The following CDKL4 variants were observed in gnomAD, a reference collection of about 807,000 sequenced individuals.
CDKL4 encodes the protein cyclin-dependent kinase-like 4.
In CDKL4, 44 loss-of-function variants were observed where a neutral mutation model predicts 42.0. The ratio of observed to expected loss-of-function variants is 1.05; its 90% CI spans 0.82 to 1.35. The LOEUF (loss-of-function observed/expected upper bound fraction) is 1.35, where lower values mean the gene tolerates loss of function less well. Among genes scored for constraint, CDKL4 ranks in the 40% most tolerant of loss-of-function variants. The probability of loss-of-function intolerance (pLI) is 0.00; values close to 1 mark genes in which losing one functional copy is unlikely to be tolerated. For missense variants in CDKL4, 393 were observed against 369.9 expected, an observed-to-expected ratio of 1.06 and a Z score of -0.51; for synonymous variants, 120 against 121.6, an observed-to-expected ratio of 0.99 and a Z score of 0.09.
chr2:39,189,120 A>G lies in CDKL4; in HGVS notation c.652+1185T>C, dbSNP rs150462109. Among the ~76,000 whole-genome samples, 238 of 152,324 alleles carry G rather than the reference A, an allele frequency of 1.6e-3. 2 individuals are homozygous for G. The highest frequency in any genetic ancestry group is 5.1e-3 in the African/African-American group (211 of 41,572). The stretch of plus-strand genomic sequence containing the variant: ...CTACCCCACATTTTTCATGCTGCAG[A>G]ATTTTCCATAATATGTTGGAACTGA... On this transcript the variant is annotated intron_variant, in intron 6 of 9. Coordinates refer to ENST00000451199, the Ensembl canonical transcript of CDKL4.
At chr2:39,223,144 G>T (rs1678480254) in intron 3 of CDKL4, among the ~76,000 whole-genome samples, 1 of 152,006 alleles carries the variant, frequency 6.6e-6, no homozygotes, top group Admixed American at 6.6e-5. Context: ...CTAATGGGCT[G>T]GCTGCATATT....
At chr2:39,169,253 C>T in the CDKL4 span, among the ~76,000 whole-genome samples, 11 of 152,136 alleles carry the variant, frequency 7.2e-5, no homozygotes, top group African/African-American at 2.7e-4. Flanking sequence ...TTTAAAAACA[C>T]ACCTATTTTA....
intron 5 of CDKL4, among the ~76,000 whole-genome samples, chr2:39,195,725 C>T (rs1676474825): frequency 6.6e-6 from 1 of 150,876 alleles, no homozygotes; most frequent in Non-Finnish European, 1.5e-5. Context: ...TCACTGCAAC[C>T]TCTGTCTCCT....
At chr2:39,231,790 G>A (rs1359923544) in intron 1 of CDKL4, among the ~76,000 whole-genome samples, 2 of 152,208 alleles carry the variant, frequency 1.3e-5, no homozygotes, top group South Asian at 2.1e-4. Flanking sequence ...ATTGGCTCAT[G>A]CCTGTAATCC....
intron 4 of CDKL4, among the ~76,000 whole-genome samples, chr2:39,207,080 G>T (rs1432222719): frequency 6.6e-6 from 1 of 152,056 alleles, no homozygotes; most frequent in East Asian, 1.9e-4. Flanking sequence ...TAAGGCCTTA[G>T]ACACTAATTA....
At chr2:39,218,244 T>C (rs1030537154) in intron 3 of CDKL4, among the ~76,000 whole-genome samples, 2 of 151,742 alleles carry the variant, frequency 1.3e-5, no homozygotes, top group African/African-American at 2.4e-5. Flanking sequence ...CTCATGCCTG[T>C]AATCCCAGCA....
intron 3 of CDKL4, among the ~76,000 whole-genome samples, chr2:39,224,075 A>C (rs187099977): frequency 8.1e-4 from 123 of 152,352 alleles, no homozygotes; most frequent in African/African-American, 2.9e-3. Flanking sequence ...CCTTTTAAAA[A>C]ATGTTATTTG....
chr2:39,205,905 G>A (rs1242369291), intron 4 of CDKL4, among the ~76,000 whole-genome samples: 3 of 152,034 alleles, frequency 2.0e-5, no homozygotes, highest in Non-Finnish European at 4.4e-5. Context: ...AGCATTCCGC[G>A]CCAGGGGATG....
chr2:39,184,704 G>T, intron 7 of CDKL4, 57 bp from the exon 8 acceptor site: 2 of 1,134,832 alleles, frequency 1.8e-6, no homozygotes, highest in African/African-American at 1.5e-5. Flanking sequence ...ATATGTGTGT[G>T]TATATATGTG....
At position 39,223,051 on chromosome 2, in the gene CDKL4, T is replaced by C. The variant is rs756570953; in HGVS notation, c.290+2788A>G. Among the ~76,000 whole-genome samples, 257 of 152,152 alleles carry C rather than the reference T, an allele frequency of 1.7e-3. 1 individual carries two copies. Among genetic ancestry groups the C allele is most frequent in the Non-Finnish European group, 3.1e-3 (211 of 68,032 alleles). ...CTCAAATTTTCAATTATACTTAACA[T>C]TCTAGTATGTTATCTCATTTTTTCA... On this transcript the variant is annotated intron_variant, in intron 3 of 9. Coordinates refer to ENST00000451199, the Ensembl canonical transcript of CDKL4.
intron 5 of CDKL4, among the ~76,000 whole-genome samples, chr2:39,191,619 A>G (rs1676188819): frequency 6.6e-6 from 1 of 152,238 alleles, no homozygotes; most frequent in African/African-American, 2.4e-5. Flanking sequence ...TAATTTTTCT[A>G]TCCAAATGTG....
chr2:39,219,419 A>ATTTATTTG (rs1307827372), intron 3 of CDKL4, among the ~76,000 whole-genome samples: 2 of 151,208 alleles, frequency 1.3e-5, no homozygotes, highest in Non-Finnish European at 2.9e-5. Context: ...TTATTTATTT[A>ATTTATTTG]TTTATTTATT....
At chr2:39,199,244 G>A (rs776876880) in intron 5 of CDKL4, among the ~76,000 whole-genome samples, 16 of 151,914 alleles carry the variant, frequency 1.1e-4, no homozygotes, top group Non-Finnish European at 1.9e-4. Context: ...CCTAGAGGAG[G>A]ATGGATAAAT....
At chr2:39,230,207 C>T (rs1313901525) in intron 1 of CDKL4, among the ~76,000 whole-genome samples, 1 of 152,138 alleles carries the variant, frequency 6.6e-6, no homozygotes, top group Non-Finnish European at 1.5e-5. Flanking sequence ...TGGAGAAATC[C>T]CATCTCTACT....
At position 39,209,142 on chromosome 2, in the gene CDKL4, A is replaced by AG. The variant is rs1192521572; in HGVS notation, c.363+4257_363+4258insC. 2.8e-3 allele frequency among the ~76,000 whole-genome samples: 430 copies of AG among 151,008 alleles called. 2 individuals carry two copies. The highest frequency in any genetic ancestry group is 0.01 in the African/African-American group (414 of 41,010). On this transcript the variant is annotated intron_variant, in intron 4 of 9. Coordinates refer to ENST00000451199, the Ensembl canonical transcript of CDKL4. ...ACAATGAGACTATCTCTACAAAAAA[A>AG]AAAAAAAATTTTTTTTTTAAATTAG... is the stretch of plus-strand genomic sequence containing the variant.
downstream of CDKL4, among the ~76,000 whole-genome samples, chr2:39,171,643 T>C (rs1474963781): frequency 5.3e-5 from 8 of 152,152 alleles, no homozygotes; most frequent in East Asian, 9.6e-4. Flanking sequence ...GCTCTAAGAA[T>C]AGGCAAAGTC....
chr2:39,218,492 C>G (rs997731181), intron 3 of CDKL4, among the ~76,000 whole-genome samples: 1 of 152,078 alleles, frequency 6.6e-6, no homozygotes, highest in Non-Finnish European at 1.5e-5. Flanking sequence ...ATGAGACCTT[C>G]TCTCAAAAAA....
At chr2:39,208,476 G>A (rs1175974836) in intron 4 of CDKL4, among the ~76,000 whole-genome samples, 1 of 151,984 alleles carries the variant, frequency 6.6e-6, no homozygotes, top group Non-Finnish European at 1.5e-5. Context: ...GAGTTGCTGG[G>A]ATTACAGGTG....
intron 4 of CDKL4, among the ~76,000 whole-genome samples, chr2:39,210,180 A>G (rs1183790826): frequency 6.6e-6 from 1 of 152,078 alleles, no homozygotes; most frequent in Admixed American, 6.6e-5. Flanking sequence ...TAGTAGAGAC[A>G]GGGTTTCACC....
Sources: gnomAD v4.1 joint callset for allele counts (sites outside exome capture counted in the v4.1 genomes callset) on GRCh38, gnomAD v4.1.1 for gene constraint, MANE v1.5 for transcripts, NCBI Gene and HGNC (gene_info 2026-07-23, HGNC 2026-07-21) for gene names.